KCNJ18: variants seen among roughly 807,000 people sequenced by gnomAD.
The protein encoded by KCNJ18 is potassium inwardly rectifying channel subfamily J member 18, also known as inward rectifier potassium channel 18.
Under a neutral mutation model 17.3 loss-of-function variants are expected in KCNJ18, and 16 were observed. That is an observed-to-expected ratio of 0.92 (90% confidence interval 0.62 to 1.40). KCNJ18 has a LOEUF of 1.40. Among genes scored for constraint, KCNJ18 ranks in the 40% most tolerant of loss-of-function variants. The pLI is 0.00. For synonymous variants in KCNJ18, 185 were observed against 262.6 expected (o/e 0.70, Z 2.86); for missense variants, 462 against 626.8 (o/e 0.74, Z 2.81).
chr17:21,704,214 C>A lies in KCNJ18; in HGVS notation c.*126C>A, dbSNP rs1187173098. 3 of 1,159,252 alleles carry A rather than the reference C, an allele frequency of 2.6e-6. No individual in the cohort carries two copies. The highest frequency in any genetic ancestry group is 1.6e-5 in the African/African-American group (1 of 64,152). 71.8% of individuals were successfully genotyped at this position (1,159,252 alleles called of 1,614,324 possible). Reference sequence around the variant, plus strand: ...GTTGCAGACTCAGTAGCGTTTTAGTCGTTTTATGTTTCTTTGCAAAGGCCT... The same window carrying A: ...GTTGCAGACTCAGTAGCGTTTTAGTAGTTTTATGTTTCTTTGCAAAGGCCT... On this transcript the variant is annotated 3_prime_UTR_variant, in exon 3 of 3. Transcript: ENST00000567955.
intron 2 of KCNJ18, among the ~76,000 whole-genome samples, chr17:21,701,519 C>T (rs1361248747): frequency 1.3e-5 from 2 of 151,250 alleles, no homozygotes; most frequent in Non-Finnish European, 2.9e-5. Flanking sequence ...AAGCTGCAAG[C>T]ATGGCATGTG....
In KCNJ18 at chr17:21,692,630, C is replaced by T. The variant is rs1473683941; in HGVS notation, c.-263C>T. ...TCAGGAACGCCGGTCACAGTGAACG[C>T]CTGCAGGACCCACACTGCTGCATCG... On this transcript the variant is annotated 5_prime_UTR_variant, in exon 1 of 3. Transcript: ENST00000567955. 1 of 152,386 alleles carries T rather than the reference C, an allele frequency of 6.6e-6. No homozygotes were observed. 9.4% of individuals were successfully genotyped at this position (152,386 alleles called of 1,614,324 possible).
chr17:21,696,300 G>A (rs1314084509), intron 2 of KCNJ18, among the ~76,000 whole-genome samples, 196 bp downstream of exon 2: 121 of 139,332 alleles, frequency 8.7e-4, no homozygotes, highest in African/African-American at 3.0e-3. Flanking sequence ...CATGCCATCC[G>A]TTCCTCACCC....
rs1567787773 is a variant in KCNJ18, at chr17:21,702,837, G to A, written c.51G>A (p.Glu17=). The A allele has an allele frequency of 6.3e-6, 10 of 1,598,680 alleles. No individual in the cohort carries two copies. Among genetic ancestry groups the A allele is most frequent in the African/African-American group, 1.3e-5 (1 of 74,816 alleles). The change falls in exon 3 of 3, where the codon GAG becomes GAA. Residue 17 remains glutamate (E), a synonymous_variant. Transcript: ENST00000567955. Reference sequence around the variant, plus strand: ...CCTACAGCATCGTGTCATTGGAGGAGGACGGGCTGCACCTGGTCACCATGT... The same window carrying A: ...CCTACAGCATCGTGTCATTGGAGGAAGACGGGCTGCACCTGGTCACCATGT... The part of the protein sequence containing the change: ...ANPYSIVSLE[E]DGLHLVTMSG...
At chr17:21,698,176 G>A (rs1905827040) in intron 2 of KCNJ18, among the ~76,000 whole-genome samples, 1 of 152,164 alleles carries the variant, frequency 6.6e-6, no homozygotes, top group Admixed American at 6.5e-5. Flanking sequence ...CACACAGTCA[G>A]GCCTCAGGTC....
At position 21,702,955 on chromosome 17, in the gene KCNJ18, T is replaced by C; in HGVS notation, c.169T>C (p.Phe57Leu). Residue 57 changes from phenylalanine to leucine, a missense_variant, in exon 3 of 3, where the codon TTC (phenylalanine) becomes CTC (leucine). Phe to Leu is a conservative substitution (Grantham distance 22). Transcript: ENST00000567955. ...VKKNGQCNIA[F>L]ANMDEKSQRY... Reference sequence around the variant, plus strand: ...GAAGAATGGCCAGTGCAACATTGCGTTCGCCAACATGGACGAGAAGTCACA... The same window carrying C: ...GAAGAATGGCCAGTGCAACATTGCGCTCGCCAACATGGACGAGAAGTCACA... 6.3e-7 allele frequency: 1 copy of C among 1,585,988 alleles called. No homozygotes were observed. Among genetic ancestry groups the C allele is most frequent in the Admixed American group, 1.8e-5 (1 of 56,212 alleles).
chr17:21,695,415 C>A (rs1905730631), intron 1 of KCNJ18, among the ~76,000 whole-genome samples: 1 of 152,082 alleles, frequency 6.6e-6, no homozygotes, highest in Admixed American at 6.5e-5. Flanking sequence ...TTCATCCCTG[C>A]ATTCATTTTT....
intron 2 of KCNJ18, among the ~76,000 whole-genome samples, chr17:21,700,742 G>A (rs1221620261): frequency 4.0e-5 from 3 of 75,058 alleles, no homozygotes; most frequent in Non-Finnish European, 5.2e-5. Context: ...GGGCCTCCAG[G>A]TCCTTGTTTG....
chr17:21,697,908 G>T (rs1320405429), intron 2 of KCNJ18, among the ~76,000 whole-genome samples: 11 of 152,308 alleles, frequency 7.2e-5, no homozygotes, highest in Non-Finnish European at 1.3e-4. Context: ...TTGCCTGGGC[G>T]AGGCTGGAGC....
rs1905768551 is a variant in KCNJ18 at position 21,696,698 on chromosome 17, C to T, written c.-57+594C>T. ...AGTGCTAGAGGATCCTAAAGGGGGCCAGGGGAGGAGGAGGAGGTGGAGGAG... is the reference window on the plus strand; with the variant it reads ...AGTGCTAGAGGATCCTAAAGGGGGCTAGGGGAGGAGGAGGAGGTGGAGGAG... On this transcript the variant is annotated intron_variant, in intron 2 of 2. Coordinates refer to ENST00000567955, the MANE Select transcript of KCNJ18 (RefSeq NM_001194958.2). Among the ~76,000 whole-genome samples the T allele has an allele frequency of 2.6e-5, 4 of 152,162 alleles. No individual in the cohort carries two copies. In the South Asian group the frequency reaches 8.3e-4, roughly 32 times the overall value.
chr17:21,696,392 C>G (rs1905760364), intron 2 of KCNJ18, among the ~76,000 whole-genome samples: 1 of 152,168 alleles, frequency 6.6e-6, no homozygotes, highest in Non-Finnish European at 1.5e-5. Context: ...CTGCTCACCC[C>G]TATCATCCAC....
At chr17:21,696,154 A>G (rs1355029214) in intron 2 of KCNJ18, 50 bp downstream of exon 2, 1 of 152,118 alleles carries the variant, frequency 6.6e-6, no homozygotes, top group African/African-American at 2.4e-5. Flanking sequence ...CATTCCTTCC[A>G]CCAGACTCTC....
intron 2 of KCNJ18, among the ~76,000 whole-genome samples, chr17:21,699,904 G>A (rs1322916629): frequency 1.3e-5 from 2 of 152,252 alleles, no homozygotes; most frequent in African/African-American, 2.4e-5. Context: ...TGCAGGCTTT[G>A]AGCTGCTTGG....
At chr17:21,701,542 G>A (rs1362464609) in intron 2 of KCNJ18, among the ~76,000 whole-genome samples, 2 of 152,182 alleles carry the variant, frequency 1.3e-5, no homozygotes, top group African/African-American at 4.8e-5. Context: ...TGTCAGGAGG[G>A]TGGTGGGACC....
Position 21,702,830 on chromosome 17 carries a change from T to C in KCNJ18, c.44T>C (p.Leu15Ser), listed in dbSNP as rs1357044530. Residue 15 changes from leucine to serine, a missense_variant, in exon 3 of 3, where the codon TTG becomes TCG. Leu to Ser is a moderately radical substitution (Grantham distance 145). Coordinates refer to ENST00000567955, the MANE Select transcript of KCNJ18 (RefSeq NM_001194958.2). ...SRANPYSIVS[L>S]EEDGLHLVTM... ...GCCAACCCCTACAGCATCGTGTCAT[T>C]GGAGGAGGACGGGCTGCACCTGGTC... The C allele has an allele frequency of 1.8e-3, 2,883 of 1,585,320 alleles. 23 individuals are homozygous for C. The highest frequency in any genetic ancestry group is 3.3e-3 in the South Asian group (299 of 89,458).
At chr17:21,701,866 G>A (rs1905964824) in intron 2 of KCNJ18, among the ~76,000 whole-genome samples, 1 of 152,232 alleles carries the variant, frequency 6.6e-6, no homozygotes, top group Non-Finnish European at 1.5e-5. Flanking sequence ...AGCTGAAATT[G>A]CGCCATTGCA....
At chr17:21,702,447 T>C (rs1371391789) in intron 2 of KCNJ18, among the ~76,000 whole-genome samples, 2 of 152,054 alleles carry the variant, frequency 1.3e-5, no homozygotes, top group African/African-American at 4.8e-5. Flanking sequence ...ATTCAGGCCT[T>C]GAGGGTGGGA....
intron 2 of KCNJ18, among the ~76,000 whole-genome samples, chr17:21,699,665 G>A (rs1466573787): frequency 3.3e-5 from 5 of 152,300 alleles, no homozygotes; most frequent in African/African-American, 1.2e-4. Flanking sequence ...CCTTGTTGAT[G>A]CTCTCTGTGT....
chr17:21,696,467 C>T (rs1318888241), intron 2 of KCNJ18, among the ~76,000 whole-genome samples: 1 of 152,230 alleles, frequency 6.6e-6, no homozygotes, highest in South Asian at 2.1e-4. Context: ...GATTCAATCA[C>T]TCTTCCACCC....
Sources: gnomAD v4.1 joint callset for allele counts (sites outside exome capture counted in the v4.1 genomes callset) on GRCh38, gnomAD v4.1.1 for gene constraint, MANE v1.5 for transcripts, NCBI Gene and HGNC (gene_info 2026-07-23, HGNC 2026-07-21) for gene names.